CYLC2: variants seen among roughly 807,000 people sequenced by gnomAD.
The protein encoded by CYLC2 is cylicin 2.
Under a neutral mutation model 26.1 loss-of-function variants are expected in CYLC2, and 30 were observed. The observed-to-expected ratio is 1.15, with a 90% CI of 0.86 to 1.56. The LOEUF (loss-of-function observed/expected upper bound fraction) is 1.56, where lower values mean the gene tolerates loss of function less well. CYLC2 is among the 40% of genes most tolerant of loss of function. The pLI is 0.00. For synonymous variants in CYLC2, 158 were observed against 132.8 expected, an observed-to-expected ratio of 1.19 and a Z score of -1.31; for missense variants, 498 against 394.4, an observed-to-expected ratio of 1.26 and a Z score of -2.23.
chr9:103,001,669 G>A (rs1829290695), intron 2 of CYLC2, 51 bp downstream of exon 2: 1 of 1,156,984 alleles, frequency 8.6e-7, no homozygotes, highest in Non-Finnish European at 1.3e-6. Context: ...TAATTTTATG[G>A]TAAGTATTAT....
chr9:103,015,061 G>C (rs1486901369), intron 6 of CYLC2, among the ~76,000 whole-genome samples: 1 of 82,242 alleles, frequency 1.2e-5, no homozygotes, highest in Non-Finnish European at 2.5e-5. Context: ...ATATTATGTA[G>C]TATACATAAT....
At chr9:103,014,574 T>TATACATATGTATATTAC (rs1397710242) in intron 6 of CYLC2, among the ~76,000 whole-genome samples, 1 of 116,714 alleles carries the variant, frequency 8.6e-6, no homozygotes, top group Non-Finnish European at 1.8e-5. Flanking sequence ...ATGTATATTA[T>TATACATATGTATATTAC]GCAGTATACA....
intron 5 of CYLC2, chr9:103,010,876 T>C (rs1229572602): frequency 1.3e-5 from 2 of 151,988 alleles, no homozygotes; most frequent in African/African-American, 4.8e-5. Context: ...TGAACAAATA[T>C]GGAAATTAAA....
At chr9:103,003,810 G>C (rs900625955) in intron 3 of CYLC2, among the ~76,000 whole-genome samples, 6 of 151,848 alleles carry the variant, frequency 4.0e-5, no homozygotes, top group Admixed American at 1.3e-4. Context: ...TTGAGTCATG[G>C]GATTACACTA....
At chr9:103,018,254 C>T (rs10121538) in intron 7 of CYLC2, 71 bp from the exon 8 acceptor site, 8,744 of 152,024 alleles carry the variant, frequency 0.058, 309 homozygotes, top group South Asian at 0.11. Context: ...TTGGTAGATG[C>T]CCTTTACTTT....
intron 7 of CYLC2, among the ~76,000 whole-genome samples, chr9:103,017,498 C>T (rs1361242669): frequency 6.6e-6 from 1 of 151,978 alleles, no homozygotes; most frequent in Non-Finnish European, 1.5e-5. Context: ...ATAAAGTATG[C>T]TTTTCAATTA....
At position 103,013,342 on chromosome 9, in the gene CYLC2, T is replaced by A. The variant is rs1404888598; in HGVS notation, c.*816+1245T>A. ...TAACCTATATATATTTAATATATTA[T>A]ATAAATATATATTATATAAATATAT... On this transcript the variant is annotated intron_variant, in intron 6 of 7. Coordinates refer to ENST00000374798, the MANE Select transcript of CYLC2 (RefSeq NM_001340.5). Among the ~76,000 whole-genome samples the A allele has an allele frequency of 4.2e-5, 3 of 71,570 alleles. 1 individual carries two copies. Among genetic ancestry groups the A allele is most frequent in the Non-Finnish European group, 7.2e-5 (3 of 41,402 alleles). The allele number at this position is 71,570 out of a possible 152,430, so 47.0% of individuals were successfully genotyped here.
rs574392300 is a variant in CYLC2, at chr9:102,999,071, T to G, written c.18-2507T>G. 9.2e-5 allele frequency among the ~76,000 whole-genome samples: 14 copies of G among 152,032 alleles called. No homozygotes were observed. In the East Asian group the frequency reaches 2.7e-3, roughly 29 times the overall value. ...GAGGTTATTGTGAATAAAATTGCTA[T>G]GAACATTTTTGTCTAAGTCTTTCTG... On this transcript the variant is annotated intron_variant, in intron 1 of 7. Transcript: ENST00000374798.
intron 6 of CYLC2, among the ~76,000 whole-genome samples, chr9:103,015,472 T>G (rs1829493391): frequency 7.2e-6 from 1 of 138,466 alleles, no homozygotes; most frequent in Non-Finnish European, 1.5e-5. Context: ...TTATAATATA[T>G]AATACATTAT....
intron 2 of CYLC2, 137 bp from the exon 3 acceptor site, chr9:103,003,005 A>T: frequency 9.7e-7 from 1 of 1,032,258 alleles, no homozygotes; most frequent in East Asian, 2.6e-5. Flanking sequence ...AAAATTGCAA[A>T]CATTACCAAA....
At chr9:103,016,764 A>G (rs1337113917) in intron 6 of CYLC2, 124 bp from the exon 7 acceptor site, 5 of 152,060 alleles carry the variant, frequency 3.3e-5, no homozygotes, top group African/African-American at 4.8e-5. Context: ...TAGGTAAAGT[A>G]ACTTAATGGC....
At position 103,005,063 on chromosome 9, in the gene CYLC2, C is replaced by A; in HGVS notation, c.432C>A (p.Gly144=). The part of the protein sequence containing the change: ...LKQGKKDSKK[G]KDIEKGKEEK... ...AAGGAAAAAAAGATTCAAAGAAAGG[C>A]AAGGATATAGAGAAAGGAAAAGAAG... Residue 144 remains glycine (G), a synonymous_variant, in exon 5 of 8, where the codon GGC becomes GGA. Transcript: ENST00000374798. The A allele has an allele frequency of 6.2e-7, 1 of 1,601,244 alleles. No homozygotes were observed. The highest frequency in any genetic ancestry group is 8.5e-7 in the Non-Finnish European group (1 of 1,176,312).
chr9:103,004,792 C>T lies in CYLC2; in HGVS notation c.278C>T (p.Ala93Val), dbSNP rs145110008. 3,687 of 1,612,828 alleles carry T rather than the reference C, an allele frequency of 2.3e-3. 6 individuals are homozygous for T. The highest frequency in any genetic ancestry group is 2.9e-3 in the Non-Finnish European group (3,385 of 1,179,544). ...RISERPSVYL[A>V]ARRQPLKPTR... ...TCTGAGAGACCATCTGTTTATTTAG[C>T]TGCCAGGAGGCAGCCTCTCAAACCA... The change falls in exon 4 of 8, where the codon GCT becomes GTT. Residue 93 changes from alanine to valine, a missense_variant. Ala to Val is a moderately conservative substitution (Grantham distance 64). Transcript: ENST00000374798.
At chr9:102,999,159 GC>G (rs1829264567) in intron 1 of CYLC2, among the ~76,000 whole-genome samples, 1 of 151,436 alleles carries the variant, frequency 6.6e-6, no homozygotes, top group South Asian at 2.1e-4. Context: ...CACTTATGCA[GC>G]TTTTATATGT....
At chr9:103,013,178 T>TTAATATATTATATAAATATA (rs1199583357) in intron 6 of CYLC2, among the ~76,000 whole-genome samples, 4 of 131,640 alleles carry the variant, frequency 3.0e-5, no homozygotes, top group Non-Finnish European at 6.3e-5. Flanking sequence ...AAATATATAT[T>TTAATATATTATATAAATATA]TAATATATTA....
chr9:103,014,609 A>G (rs1453835040), intron 6 of CYLC2, among the ~76,000 whole-genome samples: 1 of 144,130 alleles, frequency 6.9e-6, no homozygotes, highest in African/African-American at 2.5e-5. Flanking sequence ...TGCAGTATAC[A>G]TCATATGTAT....
intron 1 of CYLC2, among the ~76,000 whole-genome samples, chr9:102,997,303 C>A (rs1829247884): frequency 6.6e-6 from 1 of 151,934 alleles, no homozygotes; most frequent in Non-Finnish European, 1.5e-5. Context: ...CTAGTATCAT[C>A]ACACGCACAT....
intron 6 of CYLC2, among the ~76,000 whole-genome samples, chr9:103,014,539 ATGTATATTATG>A (rs1829468952): frequency 1.5e-5 from 2 of 135,616 alleles, no homozygotes; most frequent in Non-Finnish European, 3.1e-5. Context: ...TATACATCAT[ATGTATATTATG>A]CAGTATACAT....
At chr9:103,013,366 A>C (rs1312859798) in intron 6 of CYLC2, among the ~76,000 whole-genome samples, 8 of 107,650 alleles carry the variant, frequency 7.4e-5, no homozygotes, top group Non-Finnish European at 1.2e-4. Flanking sequence ...ATATAAATAT[A>C]TATTTAATAT....
Sources: gnomAD v4.1 joint callset for allele counts (sites outside exome capture counted in the v4.1 genomes callset) on GRCh38, gnomAD v4.1.1 for gene constraint, MANE v1.5 for transcripts, NCBI Gene and HGNC (gene_info 2026-07-23, HGNC 2026-07-21) for gene names.